Variants in TLN2 observed in about 807,000 individuals in gnomAD.
TLN2 encodes talin-2.
TLN2 carries 118 observed loss-of-function variants against 294.7 expected under a neutral mutation model. The observed-to-expected ratio is 0.40, with a 90% CI of 0.34 to 0.47. TLN2 has a LOEUF of 0.47. TLN2 is among the 20% of genes least tolerant of loss of function. TLN2 has a pLI of 0.84. For missense variants in TLN2, 3,083 were observed against 3,282.2 expected (o/e 0.94, Z 1.48); for synonymous variants, 1,431 against 1,304.5 (o/e 1.10, Z -2.09).
chr15:62,681,726 A>G (rs986365096), intron 11 of TLN2, among the ~76,000 whole-genome samples: 1 of 152,224 alleles, frequency 6.6e-6, no homozygotes, highest in East Asian at 1.9e-4. Flanking sequence ...AATGACGAGT[A>G]AGCGAGCTAA....
intron 32 of TLN2, 109 bp from the exon 33 acceptor site, chr15:62,748,242 C>T (rs2061723524): frequency 8.5e-6 from 7 of 822,510 alleles, no homozygotes; most frequent in Non-Finnish European, 1.4e-5. Flanking sequence ...TCCTGGGGAC[C>T]CGAGCTGAAA....
intron 54 of TLN2, chr15:62,829,173 T>A (rs201460848): frequency 9.6e-6 from 1 of 104,516 alleles, no homozygotes; most frequent in African/African-American, 3.6e-5. Context: ...ATATATTATA[T>A]TATATATATA....
chr15:62,413,071 C>G (rs1850289328), intron 1 of TLN2, among the ~76,000 whole-genome samples: 1 of 152,098 alleles, frequency 6.6e-6, no homozygotes, highest in Non-Finnish European at 1.5e-5. Context: ...TGAACAATGC[C>G]AATGTCTCCT....
chr15:62,462,059 A>AAAAATAC (rs1011274043), intron 1 of TLN2, among the ~76,000 whole-genome samples: 1 of 152,128 alleles, frequency 6.6e-6, no homozygotes, highest in South Asian at 2.1e-4. Context: ...CGTCTCTACT[A>AAAAATAC]AAAATACAAA....
At chr15:62,706,380 C>T (rs929987788) in intron 19 of TLN2, among the ~76,000 whole-genome samples, 2 of 152,240 alleles carry the variant, frequency 1.3e-5, no homozygotes, top group African/African-American at 4.8e-5. Flanking sequence ...ACTAGCTCCT[C>T]GCATTTTCAG....
At chr15:62,706,742 C>T (rs1359708891) in intron 19 of TLN2, among the ~76,000 whole-genome samples, 5 of 152,202 alleles carry the variant, frequency 3.3e-5, no homozygotes, top group Non-Finnish European at 7.3e-5. Context: ...TCAGCTTCTC[C>T]TGATCTACCA....
intron 45 of TLN2, among the ~76,000 whole-genome samples, chr15:62,788,430 G>A (rs2141104818): frequency 6.6e-6 from 1 of 152,322 alleles, no homozygotes; most frequent in East Asian, 1.9e-4. Context: ...TGCCCTAGCT[G>A]TTCCATGTGC....
intron 1 of TLN2, among the ~76,000 whole-genome samples, chr15:62,393,593 T>G (rs572165053): frequency 6.6e-6 from 1 of 152,212 alleles, no homozygotes; most frequent in Non-Finnish European, 1.5e-5. Flanking sequence ...GTGAATGATA[T>G]AAATTTTTAC....
chr15:62,745,183 G>A (rs568471340), intron 32 of TLN2, among the ~76,000 whole-genome samples: 96 of 152,174 alleles, frequency 6.3e-4, no homozygotes, highest in Non-Finnish European at 1.2e-3. Context: ...AACCATTGAA[G>A]TTGTAGATCC....
chr15:62,489,064 G>C (rs2038565230), intron 1 of TLN2, among the ~76,000 whole-genome samples: 1 of 152,182 alleles, frequency 6.6e-6, no homozygotes, highest in Non-Finnish European at 1.5e-5. Context: ...GGGAGGCTGA[G>C]GCAGGAGAAT....
At chr15:62,438,663 A>G (rs914392155) in intron 1 of TLN2, among the ~76,000 whole-genome samples, 2 of 152,238 alleles carry the variant, frequency 1.3e-5, no homozygotes, top group African/African-American at 4.8e-5. Flanking sequence ...AATAAGGATG[A>G]GCACAAGGCT....
chr15:62,781,868 A>G (rs1410962737), intron 44 of TLN2, among the ~76,000 whole-genome samples: 1 of 152,188 alleles, frequency 6.6e-6, no homozygotes, highest in African/African-American at 2.4e-5. Flanking sequence ...ATGCAACTAG[A>G]ACTGTATTAT....
chr15:62,691,773 G>A (rs1595678910), intron 12 of TLN2, among the ~76,000 whole-genome samples: 1 of 151,838 alleles, frequency 6.6e-6, no homozygotes, highest in South Asian at 2.1e-4. Flanking sequence ...GGGCTCAAGC[G>A]ATCCTCCTCC....
At chr15:62,715,719 C>T (rs1409947643) in intron 22 of TLN2, among the ~76,000 whole-genome samples, 3 of 152,202 alleles carry the variant, frequency 2.0e-5, no homozygotes, top group Admixed American at 6.5e-5. Context: ...TAATTCAGTA[C>T]ATTTGGATAC....
At position 62,805,777 on chromosome 15, in the gene TLN2, G is replaced by A. The variant is rs775915160; in HGVS notation, c.6655G>A (p.Ala2219Thr). The A allele has an allele frequency of 8.1e-6, 13 of 1,613,160 alleles. No homozygotes were observed. Among genetic ancestry groups the A allele is most frequent in the Non-Finnish European group, 8.5e-6 (10 of 1,179,304 alleles). The change falls in exon 51 of 59, where the codon GCT (alanine) becomes ACT (threonine). Residue 2219 changes from alanine to threonine, a missense_variant. Physicochemically the swap from Ala to Thr is moderately conservative, Grantham distance 58. Transcript: ENST00000636159. ...SRKAVSDMLT[A>T]CKQASFHPDV... ...GAAAGCCGTGTCAGATATGTTGACG[G>A]CTTGCAAGGTAAAGAGCTTGGCATG... is the stretch of plus-strand genomic sequence containing the variant.
intron 1 of TLN2, among the ~76,000 whole-genome samples, chr15:62,535,128 G>A (rs1373569515): frequency 6.6e-6 from 1 of 152,174 alleles, no homozygotes; most frequent in African/African-American, 2.4e-5. Context: ...TGATTTTACT[G>A]TTTGGGAGCC....
At chr15:62,633,181 A>T (rs1223743618) in intron 3 of TLN2, among the ~76,000 whole-genome samples, 1 of 152,204 alleles carries the variant, frequency 6.6e-6, no homozygotes, top group Non-Finnish European at 1.5e-5. Context: ...GGAGGCAGAT[A>T]TGCCCTGGTT....
intron 1 of TLN2, among the ~76,000 whole-genome samples, chr15:62,458,604 G>GAAAAAAAAAAAAA (rs55990249): frequency 2.6e-4 from 34 of 130,130 alleles, no homozygotes; most frequent in African/African-American, 9.7e-4. Flanking sequence ...CGTCTCTACA[G>GAAAAAAAAAAAAA]AAAAAAAAAA....
intron 1 of TLN2, among the ~76,000 whole-genome samples, chr15:62,402,217 C>T (rs2033076378): frequency 6.6e-6 from 1 of 152,162 alleles, no homozygotes; most frequent in South Asian, 2.1e-4. Context: ...GATGCTGTTT[C>T]TGACCCACTA....
Sources: gnomAD v4.1 joint callset for allele counts (sites outside exome capture counted in the v4.1 genomes callset) on GRCh38, gnomAD v4.1.1 for gene constraint, MANE v1.5 for transcripts, NCBI Gene and HGNC (gene_info 2026-07-23, HGNC 2026-07-21) for gene names.